The following MAP3K5 variants were observed in gnomAD, a reference collection of about 807,000 sequenced individuals.
The protein encoded by MAP3K5 is mitogen-activated protein kinase kinase kinase 5.
A neutral mutation model predicts 158.7 loss-of-function variants in MAP3K5; 56 were observed. The ratio of observed to expected loss-of-function variants is 0.35; its 90% CI spans 0.28 to 0.44. The LOEUF is 0.44. MAP3K5 is among the 20% of genes least tolerant of loss of function. The probability of loss-of-function intolerance (pLI) is 1.00; values close to 1 mark genes in which losing one functional copy is unlikely to be tolerated. For missense variants in MAP3K5, 1,294 were observed against 1,674.8 expected (o/e 0.77, Z 3.97); for synonymous variants, 579 against 601.7 (o/e 0.96, Z 0.55).
intron 1 of MAP3K5, among the ~76,000 whole-genome samples, chr6:136,723,653 C>T (rs1036701088): frequency 6.6e-6 from 1 of 152,094 alleles, no homozygotes; most frequent in Non-Finnish European, 1.5e-5. Context: ...CAAAGTGCAG[C>T]ACATAAAAAT....
chr6:136,682,271 T>G (rs7769396), intron 7 of MAP3K5, among the ~76,000 whole-genome samples: 3,814 of 152,182 alleles, frequency 0.025, 166 homozygotes, highest in African/African-American at 0.086. Flanking sequence ...GCAAAAATAA[T>G]GTTAATGCAA....
chr6:136,678,021 G>A (rs1779778250), intron 7 of MAP3K5, among the ~76,000 whole-genome samples: 2 of 152,202 alleles, frequency 1.3e-5, no homozygotes, highest in African/African-American at 4.8e-5. Flanking sequence ...CAGTGTGGAA[G>A]TGGTCAAGCA....
chr6:136,649,400 G>A (rs1321589575), intron 11 of MAP3K5, among the ~76,000 whole-genome samples: 1 of 152,192 alleles, frequency 6.6e-6, no homozygotes, highest in East Asian at 1.9e-4. Flanking sequence ...TAATTCTTGA[G>A]CTACTACAAT....
rs557692225 is a variant in MAP3K5 at position 136,613,542 on chromosome 6, A to G, written c.2279-286T>C. 2.6e-4 allele frequency among the ~76,000 whole-genome samples: 40 copies of G among 152,332 alleles called. No homozygotes were observed. The highest frequency in any genetic ancestry group is 1.4e-3 in the South Asian group (7 of 4,828). Reference sequence around the variant, plus strand: ...CATATTTATGTATTGTCTCTGTGAAATTACATAATTCACATGTAAAGCTTC... The same window carrying G: ...CATATTTATGTATTGTCTCTGTGAAGTTACATAATTCACATGTAAAGCTTC... On this transcript the variant is annotated intron_variant, in intron 16 of 29. Transcript: ENST00000359015. This position sits in a 1 kb window ranked among gnomAD's most constrained non-coding sequence, Gnocchi z 4.0.
In MAP3K5 at chr6:136,697,315, T is replaced by C; in HGVS notation, c.879A>G (p.Ala293=). 6.2e-7 allele frequency: 1 copy of C among 1,613,804 alleles called. No homozygotes were observed. The highest frequency in any genetic ancestry group is 8.5e-7 in the Non-Finnish European group (1 of 1,179,794). Residue 293 remains alanine, a synonymous_variant, in exon 5 of 30, where the codon GCA becomes GCG. Coordinates refer to ENST00000359015, the MANE Select transcript of MAP3K5 (RefSeq NM_005923.4). ...ARNLYTGKEL[A]AELARIRQRV... ...GCTGCCGAATTCTTGCCAACTCAGC[T>C]GCCAATTCTTTACCAGTGTATAAAT...
chr6:136,613,367 C>T lies in MAP3K5; in HGVS notation c.2279-111G>A. On this transcript the variant is annotated intron_variant, in intron 16 of 29. Transcript: ENST00000359015. The surrounding 1 kb of genome is among the most constrained non-coding windows in gnomAD (Gnocchi z 4.0). ...AACAGTCATTGGTTCTTCACAGTGGCCCAGGAGCTATACTGGATATCGGGC... is the reference window on the plus strand; with the variant it reads ...AACAGTCATTGGTTCTTCACAGTGGTCCAGGAGCTATACTGGATATCGGGC... 1.1e-6 allele frequency: 1 copy of T among 898,858 alleles called. No homozygotes were observed. 55.7% of individuals were successfully genotyped at this position (898,858 alleles called of 1,614,324 possible). A position where few individuals can be genotyped will look rare whatever the true frequency, so the allele number is the denominator to read the frequency against.
intron 14 of MAP3K5, among the ~76,000 whole-genome samples, chr6:136,625,632 T>G (rs1243299315): frequency 1.3e-5 from 2 of 152,190 alleles, no homozygotes; most frequent in African/African-American, 4.8e-5. Flanking sequence ...TAATTGCTCT[T>G]GAGCCTGGGA....
chr6:136,659,071 G>A (rs185117602), intron 9 of MAP3K5, 148 bp downstream of exon 9: 30 of 757,018 alleles, frequency 4.0e-5, no homozygotes, highest in East Asian at 3.5e-4. Context: ...TGTGTAACAC[G>A]TTTTATGAAT....
chr6:136,742,258 G>C (rs1782741014), intron 1 of MAP3K5, among the ~76,000 whole-genome samples: 1 of 152,136 alleles, frequency 6.6e-6, no homozygotes, highest in Non-Finnish European at 1.5e-5. Context: ...TAACAAGACA[G>C]TGTGGTGTAG....
At chr6:136,758,904 G>A (rs543173160) in intron 1 of MAP3K5, among the ~76,000 whole-genome samples, 39 of 152,324 alleles carry the variant, frequency 2.6e-4, no homozygotes, top group Admixed American at 4.6e-4. Flanking sequence ...CAGGCATGGC[G>A]GCTCACGCCT....
intron 1 of MAP3K5, among the ~76,000 whole-genome samples, chr6:136,775,926 T>C (rs1385718003): frequency 1.3e-5 from 2 of 152,230 alleles, no homozygotes; most frequent in Non-Finnish European, 2.9e-5. Flanking sequence ...AAACAGGTAA[T>C]GATAAGAAGA....
At chr6:136,573,226 G>A (rs1774450831) in intron 25 of MAP3K5, among the ~76,000 whole-genome samples, 1 of 152,220 alleles carries the variant, frequency 6.6e-6, no homozygotes, top group African/African-American at 2.4e-5. Context: ...GATGGAGAAA[G>A]GGTGAATTCT....
At chr6:136,639,703 AAAAAG>A in intron 12 of MAP3K5, 65 bp from the exon 13 acceptor site, 1 of 749,576 alleles carries the variant, frequency 1.3e-6, no homozygotes, top group Non-Finnish European at 2.2e-6. Flanking sequence ...TCCTATGATG[AAAAAG>A]AAATGTTTTA....
intron 18 of MAP3K5, 102 bp downstream of exon 18, chr6:136,611,178 CTG>C (rs1276899288): frequency 2.7e-6 from 1 of 364,442 alleles, no homozygotes; most frequent in South Asian, 2.8e-5. Flanking sequence ...ACCAACATTA[CTG>C]TGTGTGAGAA....
In MAP3K5 at chr6:136,720,441, G is replaced by A. The variant is rs1583474549; in HGVS notation, c.588+9C>T. On this transcript the variant is annotated intron_variant, in intron 2 of 29. Coordinates refer to ENST00000359015, the MANE Select transcript of MAP3K5 (RefSeq NM_005923.4). Reference sequence around the variant, plus strand: ...TTAAAATGAAACATTCAGTAAACAAGGGAGGTACCTTCAGTGACTGCAGAG... The same window carrying A: ...TTAAAATGAAACATTCAGTAAACAAAGGAGGTACCTTCAGTGACTGCAGAG... 5 of 1,581,662 alleles carry A rather than the reference G, an allele frequency of 3.2e-6. No homozygotes were observed. In the East Asian group the frequency reaches 1.1e-4, roughly 36 times the overall value.
chr6:136,733,939 C>T (rs1475483963), intron 1 of MAP3K5, among the ~76,000 whole-genome samples: 1 of 152,152 alleles, frequency 6.6e-6, no homozygotes, highest in African/African-American at 2.4e-5. Flanking sequence ...GAGACCATAA[C>T]ACCCTAAAAA....
chr6:136,580,944 T>G (rs1774847650), intron 24 of MAP3K5, among the ~76,000 whole-genome samples: 2 of 152,132 alleles, frequency 1.3e-5, no homozygotes, highest in Non-Finnish European at 2.9e-5. Context: ...CCTCCCAAAG[T>G]GCTGGCATTG....
intron 2 of MAP3K5, among the ~76,000 whole-genome samples, chr6:136,718,439 T>C (rs1187757536): frequency 6.6e-6 from 1 of 152,210 alleles, no homozygotes; most frequent in African/African-American, 2.4e-5. Context: ...TGGCCTCAAG[T>C]GATCCAACTG....
At chr6:136,704,982 T>A (rs1208654584) in intron 3 of MAP3K5, 128 bp downstream of exon 3, 1 of 529,836 alleles carries the variant, frequency 1.9e-6, no homozygotes, top group East Asian at 3.9e-5. Flanking sequence ...TATTGATACA[T>A]CAGAAAATCT....
Sources: gnomAD v4.1 joint callset for allele counts (sites outside exome capture counted in the v4.1 genomes callset) on GRCh38, gnomAD v4.1.1 for gene constraint, Gnocchi (gnomAD v3.1) non-coding constraint, MANE v1.5 for transcripts, NCBI Gene and HGNC (gene_info 2026-07-23, HGNC 2026-07-21) for gene names.